Variants in TMC1 observed in about 807,000 individuals in gnomAD.
TMC1 encodes the protein transmembrane channel like 1.
TMC1 carries 84 observed loss-of-function variants against 105.8 expected under a neutral mutation model. That is an observed-to-expected ratio of 0.79 (90% CI 0.67 to 0.95). The LOEUF (loss-of-function observed/expected upper bound fraction) is 0.95, where lower values mean the gene tolerates loss of function less well. TMC1 is among the 40% of genes least tolerant of loss of function. TMC1 has a pLI of 0.00. For missense variants in TMC1, 817 were observed against 914.1 expected (o/e 0.89, Z 1.37); for synonymous variants, 315 against 311.5 (o/e 1.01, Z -0.12).
chr9:72,769,078 G>A (rs972895694), intron 12 of TMC1, among the ~76,000 whole-genome samples: 2 of 152,186 alleles, frequency 1.3e-5, no homozygotes, highest in Non-Finnish European at 1.5e-5. Context: ...CACAGGAGAA[G>A]CAGTATAGTG....
chr9:72,653,173 G>A (rs1825838515), intron 5 of TMC1, among the ~76,000 whole-genome samples: 1 of 152,002 alleles, frequency 6.6e-6, no homozygotes, highest in Non-Finnish European at 1.5e-5. Context: ...AAGTGCTCTG[G>A]GAAGAAGGTA....
chr9:72,622,882 C>T (rs1825278519), intron 3 of TMC1, among the ~76,000 whole-genome samples: 1 of 151,928 alleles, frequency 6.6e-6, no homozygotes, highest in Non-Finnish European at 1.5e-5. Flanking sequence ...GAAACCCCAT[C>T]TCTACTCAAA....
intron 1 of TMC1, among the ~76,000 whole-genome samples, chr9:72,552,006 T>G (rs992938672): frequency 1.3e-5 from 2 of 151,794 alleles, no homozygotes; most frequent in Non-Finnish European, 2.9e-5. Context: ...GTTTCAGAGG[T>G]CTAGCATCCA....
At chr9:72,694,210 TG>T (rs1292723283) in intron 6 of TMC1, among the ~76,000 whole-genome samples, 10 of 152,210 alleles carry the variant, frequency 6.6e-5, no homozygotes, top group Non-Finnish European at 1.5e-4. Context: ...CTTATTTGAA[TG>T]GTCTTAGAGG....
chr9:72,774,993 T>C (rs1827984501), intron 13 of TMC1, among the ~76,000 whole-genome samples: 1 of 152,322 alleles, frequency 6.6e-6, no homozygotes, highest in Admixed American at 6.5e-5. Flanking sequence ...AGCGTCTGCA[T>C]ACTCATCCAC....
At chr9:72,692,365 G>A (rs1826479793) in intron 6 of TMC1, among the ~76,000 whole-genome samples, 1 of 152,174 alleles carries the variant, frequency 6.6e-6, no homozygotes, top group African/African-American at 2.4e-5. Context: ...GTGTGAGGGT[G>A]TGTCAGATTT....
intron 1 of TMC1, among the ~76,000 whole-genome samples, chr9:72,566,616 G>T (rs1038261800): frequency 6.6e-6 from 1 of 152,186 alleles, no homozygotes; most frequent in African/African-American, 2.4e-5. Flanking sequence ...GAAACAGGCT[G>T]CAAACAGAAG....
chr9:72,532,822 C>A (rs1467062540), intron 1 of TMC1, among the ~76,000 whole-genome samples: 1 of 152,174 alleles, frequency 6.6e-6, no homozygotes, highest in Admixed American at 6.5e-5. Context: ...CTTGTTAGAG[C>A]TTGCTGATGA....
Position 72,603,434 on chromosome 9 carries a change from C to T in TMC1, c.-305-12934C>T, listed in dbSNP as rs367997757. Among the ~76,000 whole-genome samples the T allele has an allele frequency of 5.3e-5, 8 of 151,944 alleles. No individual in the cohort carries two copies. In the East Asian group the frequency reaches 5.8e-4, roughly 11 times the overall value. On this transcript the variant is annotated intron_variant, in intron 2 of 23. Transcript: ENST00000297784. ...ACACACACACACACCACACTCCACA[C>T]GCACACATACACAGAGCATTTTTCA...
chr9:72,803,909 T>C (rs2118234128), intron 17 of TMC1, among the ~76,000 whole-genome samples: 1 of 152,246 alleles, frequency 6.6e-6, no homozygotes. Flanking sequence ...AATAAATCAT[T>C]CTGTTACAAA....
At chr9:72,748,705 G>C (rs1466993460) in intron 10 of TMC1, among the ~76,000 whole-genome samples, 1 of 152,060 alleles carries the variant, frequency 6.6e-6, no homozygotes, top group Admixed American at 6.5e-5. Context: ...GGGATAAAGA[G>C]GGAAGATTTC....
rs1474780352 is a variant in TMC1 at position 72,830,665 on chromosome 9, T to C, written c.2243T>C (p.Met748Thr). ...GAGAACAAAATGCGAAACAAGAAAA[T>C]GGCAGCTGCACGAGCAGGTTGGAGA... ...ALENKMRNKK[M>T]AAARAAAAAG... Residue 748 changes from methionine to threonine, a missense_variant, in exon 23 of 24, where the codon ATG becomes ACG. By Grantham distance (81) the Met-to-Thr change is moderately conservative. Transcript: ENST00000297784. The C allele has an allele frequency of 6.2e-7, 1 of 1,613,602 alleles. No homozygotes were observed. The highest frequency in any genetic ancestry group is 1.7e-4 in the Middle Eastern group (1 of 6,058).
At chr9:72,526,467 C>T (rs1310380163) in intron 1 of TMC1, among the ~76,000 whole-genome samples, 1 of 152,156 alleles carries the variant, frequency 6.6e-6, no homozygotes, top group African/African-American at 2.4e-5. Flanking sequence ...TTCTCCAAAA[C>T]TTCATCTGCC....
chr9:72,701,692 G>A (rs898813598), intron 8 of TMC1, among the ~76,000 whole-genome samples: 1 of 152,156 alleles, frequency 6.6e-6, no homozygotes. Context: ...AAGAGCTTGT[G>A]TGCTATTTAA....
At chr9:72,734,595 T>TA (rs1827267471) in intron 8 of TMC1, among the ~76,000 whole-genome samples, 1 of 152,040 alleles carries the variant, frequency 6.6e-6, no homozygotes, top group South Asian at 2.1e-4. Flanking sequence ...AGTAGCTTCT[T>TA]ACCTCTGTAA....
At chr9:72,597,352 C>T (rs1412390420) in intron 2 of TMC1, among the ~76,000 whole-genome samples, 3 of 152,074 alleles carry the variant, frequency 2.0e-5, no homozygotes, top group Non-Finnish European at 2.9e-5. Flanking sequence ...CAGATTGGCT[C>T]GGAAGTACTC....
intron 5 of TMC1, among the ~76,000 whole-genome samples, chr9:72,666,352 C>T (rs1251094524): frequency 2.0e-5 from 3 of 152,054 alleles, no homozygotes; most frequent in Non-Finnish European, 4.4e-5. Context: ...TCTCTAAGGA[C>T]ACTGGGGGAG....
chr9:72,700,710 TTCCA>T, intron 8 of TMC1, 67 bp downstream of exon 8: 3 of 542,404 alleles, frequency 5.5e-6, no homozygotes, highest in African/African-American at 2.7e-5. Context: ...CCTCTGAATA[TTCCA>T]TATATATATA....
intron 2 of TMC1, among the ~76,000 whole-genome samples, chr9:72,609,231 T>TC: frequency 1.3e-5 from 2 of 149,578 alleles, no homozygotes; most frequent in African/African-American, 2.5e-5. Context: ...CTTCCTTCCT[T>TC]TTTGCTATTA....
Sources: gnomAD v4.1 joint callset for allele counts (sites outside exome capture counted in the v4.1 genomes callset) on GRCh38, gnomAD v4.1.1 for gene constraint, MANE v1.5 for transcripts, NCBI Gene and HGNC (gene_info 2026-07-23, HGNC 2026-07-21) for gene names.